Variants in C3orf22 observed in about 807,000 individuals in gnomAD.
The protein encoded by C3orf22 is uncharacterized protein C3orf22.
A neutral mutation model predicts 10.8 loss-of-function variants in C3orf22; 7 were observed. The ratio of observed to expected loss-of-function variants is 0.65; its 90% CI spans 0.37 to 1.22. The LOEUF (loss-of-function observed/expected upper bound fraction) is 1.22, where lower values mean the gene tolerates loss of function less well. C3orf22 is among the 50% of genes most tolerant of loss of function. The pLI is 0.02. For missense variants in C3orf22, 173 were observed against 177.0 expected, an observed-to-expected ratio of 0.98 and a Z score of 0.13; for synonymous variants, 79 against 78.9, an observed-to-expected ratio of 1.00 and a Z score of 0.00.
chr3:126,537,575 G>A (rs1021042432), intron 4 of C3orf22, among the ~76,000 whole-genome samples: 7 of 152,156 alleles, frequency 4.6e-5, no homozygotes, highest in Non-Finnish European at 1.0e-4. Context: ...TTCGCAGAGT[G>A]TGACTGACTG....
Position 126,558,820 on chromosome 3 carries a change from C to T in C3orf22, c.-234G>A, listed in dbSNP as rs1037231775. On this transcript the variant is annotated 5_prime_UTR_variant, in exon 1 of 4. Transcript: ENST00000318225. ...AGAGCTTCCAGCCAGAAAGGACAAG[C>T]TGCAGGACCCTGTGGGCTGGCTTAT... 3.3e-5 allele frequency: 5 copies of T among 152,336 alleles called. No homozygotes were observed. Among genetic ancestry groups the T allele is most frequent in the Admixed American group, 1.3e-4 (2 of 15,296 alleles). The allele number at this position is 152,336 out of a possible 1,614,324, so 9.4% of individuals were successfully genotyped here. A position where few individuals can be genotyped will look rare whatever the true frequency, so the allele number is the denominator to read the frequency against.
At chr3:126,542,654 G>A in intron 4 of C3orf22, 10 of 1,389,026 alleles carry the variant, frequency 7.2e-6, no homozygotes, top group Non-Finnish European at 9.3e-6. Flanking sequence ...GGTGCTGCCG[G>A]CCCCAGGACC....
chr3:126,529,974 C>T (rs541945583), intron 4 of C3orf22, among the ~76,000 whole-genome samples: 23 of 152,272 alleles, frequency 1.5e-4, no homozygotes, highest in African/African-American at 4.3e-4. Flanking sequence ...AGTGGAGGGA[C>T]GGGGGTACAG....
In C3orf22 at chr3:126,549,889, C is replaced by T. The variant is rs773485971; in HGVS notation, c.405G>A (p.Gly135=). Reference sequence around the variant, plus strand: ...GTCTCTAGGAGAGGCCCCTGGACAGCCCTGCCGCCTTGCTGGTCTGGGGGC... The same window carrying T: ...GTCTCTAGGAGAGGCCCCTGGACAGTCCTGCCGCCTTGCTGGTCTGGGGGC... The part of the protein sequence containing the change: ...AACPQTSKAA[G]LSRGLS Residue 135 remains glycine, a synonymous_variant, in exon 4 of 4, where the codon GGG becomes GGA. Transcript: ENST00000318225. 3 of 1,613,364 alleles carry T rather than the reference C, an allele frequency of 1.9e-6. No homozygotes were observed. Among genetic ancestry groups the T allele is most frequent in the South Asian group, 1.1e-5 (1 of 90,950 alleles).
At chr3:126,542,418 C>T in intron 4 of C3orf22, 1 of 1,553,974 alleles carries the variant, frequency 6.4e-7, no homozygotes, top group Non-Finnish European at 8.7e-7. Flanking sequence ...CTGAGCTTCC[C>T]TGGGCCGCCG....
At chr3:126,555,449 C>T (rs533999335) in intron 1 of C3orf22, among the ~76,000 whole-genome samples, 5 of 152,308 alleles carry the variant, frequency 3.3e-5, no homozygotes, top group Admixed American at 6.5e-5. Flanking sequence ...TGGAACTGGG[C>T]CGCACAGCAG....
At chr3:126,556,879 CACAGACTCACACACAT>C (rs1370388253) in intron 1 of C3orf22, among the ~76,000 whole-genome samples, 1 of 150,732 alleles carries the variant, frequency 6.6e-6, no homozygotes, top group African/African-American at 2.5e-5. Flanking sequence ...CACACACACA[CACAGACTCACACACAT>C]GCTCAGACTC....
At chr3:126,542,163 T>G in intron 4 of C3orf22, 1 of 1,513,978 alleles carries the variant, frequency 6.6e-7, no homozygotes, top group Non-Finnish European at 8.8e-7. Flanking sequence ...GGTGCACGCA[T>G]CGTTCAGCGC....
intron 4 of C3orf22, chr3:126,542,201 C>T (rs1258346580): frequency 2.1e-6 from 3 of 1,445,276 alleles, no homozygotes; most frequent in East Asian, 2.9e-5. Context: ...CCCCGACGCC[C>T]GGGCCCGCGG....
At chr3:126,529,757 C>G (rs1370773282) in intron 4 of C3orf22, among the ~76,000 whole-genome samples, 3 of 152,198 alleles carry the variant, frequency 2.0e-5, no homozygotes, top group African/African-American at 7.2e-5. Context: ...CATCCCTCCT[C>G]CCCTCCCATC....
intron 4 of C3orf22, among the ~76,000 whole-genome samples, chr3:126,530,410 G>A (rs1297880476): frequency 6.6e-6 from 1 of 152,228 alleles, no homozygotes; most frequent in African/African-American, 2.4e-5. Context: ...CCGAGTAGCA[G>A]GGCCCTGGGG....
chr3:126,541,374 C>T (rs1018036556), intron 4 of C3orf22, among the ~76,000 whole-genome samples: 2 of 152,222 alleles, frequency 1.3e-5, no homozygotes, highest in African/African-American at 4.8e-5. Flanking sequence ...GCTTCTTATG[C>T]AGCCTCCTGC....
intron 4 of C3orf22, among the ~76,000 whole-genome samples, chr3:126,534,738 C>G (rs1488792223): frequency 6.7e-6 from 1 of 150,322 alleles, no homozygotes; most frequent in Non-Finnish European, 1.5e-5. Context: ...GACAGCATCC[C>G]TGTCCCCACC....
chr3:126,542,043 TGC>T, intron 4 of C3orf22: 1 of 1,575,474 alleles, frequency 6.3e-7, no homozygotes, highest in Non-Finnish European at 8.6e-7. Flanking sequence ...AACCGGCGCC[TGC>T]GCGCCTACTT....
chr3:126,555,075 C>T (rs905354202), intron 1 of C3orf22, among the ~76,000 whole-genome samples: 1 of 152,226 alleles, frequency 6.6e-6, no homozygotes, highest in African/African-American at 2.4e-5. Flanking sequence ...TGGCTAGTGC[C>T]TGCTGCATTG....
intron 4 of C3orf22, among the ~76,000 whole-genome samples, chr3:126,540,092 C>G (rs1936925220): frequency 6.6e-6 from 1 of 151,594 alleles, no homozygotes; most frequent in Admixed American, 6.6e-5. Context: ...GTGCACCACA[C>G]ACGCACAGGA....
chr3:126,542,005 AC>A, intron 4 of C3orf22: 1 of 1,560,394 alleles, frequency 6.4e-7, no homozygotes, highest in East Asian at 2.4e-5. Flanking sequence ...GCCTGCCCTC[AC>A]TGGCCGACTT....
chr3:126,530,531 C>T (rs1936635881), intron 4 of C3orf22, among the ~76,000 whole-genome samples: 1 of 152,218 alleles, frequency 6.6e-6, no homozygotes, highest in Non-Finnish European at 1.5e-5. Context: ...AGCCACAGTT[C>T]CCAGGAAAGG....
At chr3:126,528,733 T>C (rs1389201630) in intron 5 of C3orf22, among the ~76,000 whole-genome samples, 1 of 152,068 alleles carries the variant, frequency 6.6e-6, no homozygotes, top group Non-Finnish European at 1.5e-5. Flanking sequence ...AGATGGCCTG[T>C]GGAGTTCAGC....
Sources: allele counts gnomAD v4.1 joint callset (sites outside exome capture counted in the v4.1 genomes callset), GRCh38; gene constraint gnomAD v4.1.1; transcripts MANE v1.5; gene names NCBI Gene and HGNC (gene_info 2026-07-23, HGNC 2026-07-21).